RAPGEF4: variants seen among roughly 807,000 people sequenced by gnomAD.
RAPGEF4 encodes the protein Rap guanine nucleotide exchange factor 4.
RAPGEF4 carries 66 observed loss-of-function variants against 147.9 expected under a neutral mutation model. The observed-to-expected ratio is 0.45, with a 90% CI of 0.37 to 0.55. RAPGEF4 has a LOEUF of 0.55. Ranked by LOEUF, RAPGEF4 falls within the 20% of genes least tolerant of loss-of-function variation. The probability of loss-of-function intolerance (pLI) is 0.00; values close to 1 mark genes in which losing one functional copy is unlikely to be tolerated. For synonymous variants in RAPGEF4, 419 were observed against 442.7 expected (o/e 0.95, Z 0.67); for missense variants, 1,071 against 1,257.3 (o/e 0.85, Z 2.24).
chr2:172,857,464 G>A (rs1236401855), intron 4 of RAPGEF4, among the ~76,000 whole-genome samples: 2 of 152,206 alleles, frequency 1.3e-5, no homozygotes, highest in African/African-American at 2.4e-5. Context: ...TACATTATTT[G>A]AGACGCGAGT....
At chr2:172,743,020 C>T (rs146035365) in intron 1 of RAPGEF4, among the ~76,000 whole-genome samples, 5 of 152,280 alleles carry the variant, frequency 3.3e-5, no homozygotes, top group Non-Finnish European at 7.3e-5. Flanking sequence ...TTCCCATGAG[C>T]TTAGAAGATT....
At chr2:173,009,530 A>AC (rs1694809111) in intron 17 of RAPGEF4, among the ~76,000 whole-genome samples, 1 of 152,214 alleles carries the variant, frequency 6.6e-6, no homozygotes, top group Non-Finnish European at 1.5e-5. Flanking sequence ...AAATGCTCCA[A>AC]AATTCGAAGT....
intron 6 of RAPGEF4, among the ~76,000 whole-genome samples, chr2:172,941,698 A>G (rs1319843857): frequency 2.0e-5 from 3 of 152,146 alleles, no homozygotes; most frequent in Non-Finnish European, 4.4e-5. Flanking sequence ...GTAGGAGTAA[A>G]CCAGCAAGGA....
chr2:173,022,518 C>G (rs909754362), intron 23 of RAPGEF4, among the ~76,000 whole-genome samples: 3 of 152,290 alleles, frequency 2.0e-5, no homozygotes, highest in Admixed American at 6.5e-5. Context: ...GACAGCCCAT[C>G]GAGGAGGAGT....
intron 6 of RAPGEF4, chr2:172,928,131 C>A: frequency 2.2e-6 from 1 of 446,642 alleles, no homozygotes; most frequent in Non-Finnish European, 4.5e-6. Context: ...ACTTATTTTG[C>A]CCCACCTTCT....
Position 172,771,267 on chromosome 2 carries a change from C to G in RAPGEF4, c.66-23758C>G, listed in dbSNP as rs1423203689. ...TGCTGTGGAAGGGGAGAACAAGCCCCCTTGGGCTTCTTTTATAAGAACGGT... is the reference window on the plus strand; with the variant it reads ...TGCTGTGGAAGGGGAGAACAAGCCCGCTTGGGCTTCTTTTATAAGAACGGT... On this transcript the variant is annotated intron_variant, in intron 1 of 30. Transcript: ENST00000397081. 2.6e-5 allele frequency among the ~76,000 whole-genome samples: 4 copies of G among 152,156 alleles called. No homozygotes were observed. In the East Asian group the frequency reaches 7.7e-4, roughly 29 times the overall value.
At chr2:172,744,519 C>A in intron 1 of RAPGEF4, 1 of 389,296 alleles carries the variant, frequency 2.6e-6, no homozygotes. Context: ...TAGGCTCAAA[C>A]CCCAGTTTTA....
At chr2:172,866,025 A>G (rs931177277) in intron 4 of RAPGEF4, among the ~76,000 whole-genome samples, 1 of 151,938 alleles carries the variant, frequency 6.6e-6, no homozygotes, top group Non-Finnish European at 1.5e-5. Context: ...CTTTATGCAT[A>G]ATTTCTTCCA....
At chr2:172,804,358 T>C (rs191608759) in intron 3 of RAPGEF4, among the ~76,000 whole-genome samples, 577 of 152,352 alleles carry the variant, frequency 3.8e-3, no homozygotes, top group Non-Finnish European at 5.3e-3. Flanking sequence ...CTTCCTGAAT[T>C]TTTTGAATAC....
intron 26 of RAPGEF4, among the ~76,000 whole-genome samples, 191 bp from the exon 27 acceptor site, chr2:173,033,723 G>A (rs963853360): frequency 3.3e-5 from 5 of 152,150 alleles, no homozygotes; most frequent in Admixed American, 1.3e-4. Flanking sequence ...GGTTAAAGAC[G>A]TTTAAAAGGC....
intron 15 of RAPGEF4, among the ~76,000 whole-genome samples, chr2:172,995,553 T>A (rs565155992): frequency 1.2e-4 from 18 of 152,260 alleles, no homozygotes; most frequent in African/African-American, 4.3e-4. Context: ...GTGCTAGGAT[T>A]ACAGACGTGA....
intron 4 of RAPGEF4, among the ~76,000 whole-genome samples, chr2:172,903,520 A>G (rs1456284106): frequency 2.0e-5 from 3 of 151,854 alleles, no homozygotes; most frequent in African/African-American, 7.3e-5. Context: ...CCTGGGCGAC[A>G]AGAGTGAAAC....
intron 4 of RAPGEF4, among the ~76,000 whole-genome samples, chr2:172,818,105 T>C (rs1170705554): frequency 1.3e-5 from 2 of 151,650 alleles, no homozygotes; most frequent in Non-Finnish European, 2.9e-5. Flanking sequence ...AAACATCATA[T>C]GTTCTCACTC....
intron 1 of RAPGEF4, among the ~76,000 whole-genome samples, chr2:172,768,505 T>TA (rs60090129): frequency 0.035 from 3,493 of 98,430 alleles, 96 homozygotes; most frequent in South Asian, 0.09. Flanking sequence ...CAACCAAAAG[T>TA]AAAAAAAAAA....
intron 6 of RAPGEF4, among the ~76,000 whole-genome samples, chr2:172,950,363 A>T (rs1448104978): frequency 6.6e-6 from 1 of 152,212 alleles, no homozygotes; most frequent in African/African-American, 2.4e-5. Flanking sequence ...TAGTTAGAAT[A>T]AGGATAAGGA....
At chr2:172,838,529 G>A (rs573858215) in intron 4 of RAPGEF4, among the ~76,000 whole-genome samples, 111 of 152,230 alleles carry the variant, frequency 7.3e-4, no homozygotes, top group Admixed American at 1.8e-3. Flanking sequence ...TCTCATGCAC[G>A]GTAGAAAGTT....
intron 3 of RAPGEF4, among the ~76,000 whole-genome samples, chr2:172,806,268 T>C (rs1223419417): frequency 6.6e-6 from 1 of 152,216 alleles, no homozygotes; most frequent in East Asian, 1.9e-4. Context: ...ATAAAGTTTA[T>C]ATTGCAAGAT....
At chr2:173,026,548 A>G in intron 23 of RAPGEF4, 24 bp from the exon 24 acceptor site, 1 of 1,607,012 alleles carries the variant, frequency 6.2e-7, no homozygotes. Context: ...AGTTTCTGAT[A>G]TGTTTTTGCA....
intron 23 of RAPGEF4, among the ~76,000 whole-genome samples, chr2:173,022,425 G>A (rs1696194676): frequency 6.6e-6 from 1 of 152,182 alleles, no homozygotes; most frequent in African/African-American, 2.4e-5. Flanking sequence ...CATTCATTGT[G>A]CTGTGAGTGG....
Sources: gnomAD v4.1 joint callset for allele counts (sites outside exome capture counted in the v4.1 genomes callset) on GRCh38, gnomAD v4.1.1 for gene constraint, MANE v1.5 for transcripts, NCBI Gene and HGNC (gene_info 2026-07-23, HGNC 2026-07-21) for gene names.